The following VWA3B variants were observed in gnomAD, a reference collection of about 807,000 sequenced individuals.
VWA3B encodes von Willebrand factor A domain-containing protein 3B.
Under a neutral mutation model 158.3 loss-of-function variants are expected in VWA3B, and 138 were observed. The ratio of observed to expected loss-of-function variants is 0.87; its 90% CI spans 0.76 to 1.00. The LOEUF (loss-of-function observed/expected upper bound fraction) is 1.00, where lower values mean the gene tolerates loss of function less well. VWA3B is among the 50% of genes least tolerant of loss of function. The pLI is 0.00. For missense variants in VWA3B, 1,555 were observed against 1,565.1 expected (o/e 0.99, Z 0.11); for synonymous variants, 596 against 587.3 (o/e 1.01, Z -0.21).
chr2:98,094,312 T>C (rs1271887470), intron 2 of VWA3B, among the ~76,000 whole-genome samples: 1 of 152,188 alleles, frequency 6.6e-6, no homozygotes, highest in Non-Finnish European at 1.5e-5. Context: ...CTTATCTTTT[T>C]GATATTAGCC....
intron 10 of VWA3B, among the ~76,000 whole-genome samples, chr2:98,190,916 A>C (rs927035600): frequency 2.6e-5 from 4 of 151,934 alleles, no homozygotes; most frequent in Non-Finnish European, 5.9e-5. Context: ...TTGTGGTCAT[A>C]TTTTCTCAAA....
chr2:98,192,844 G>T lies in VWA3B; in HGVS notation c.1467-54G>T, dbSNP rs1681706594. 2.5e-6 allele frequency: 4 copies of T among 1,612,844 alleles called. No individual in the cohort carries two copies. The Admixed American group carries it at 5.0e-5, about 20-fold the overall frequency. On this transcript the variant is annotated intron_variant, in intron 10 of 27. Transcript: ENST00000477737. ...TGCATCGTTAAGTTCTTGGGAAGATGCTCTTGTTGCCTGCAGGCTCTCACC... is the reference window on the plus strand; with the variant it reads ...TGCATCGTTAAGTTCTTGGGAAGATTCTCTTGTTGCCTGCAGGCTCTCACC...
At chr2:98,211,453 G>T (rs888960872) in intron 12 of VWA3B, among the ~76,000 whole-genome samples, 1 of 152,208 alleles carries the variant, frequency 6.6e-6, no homozygotes, top group Non-Finnish European at 1.5e-5. Context: ...GCTAAAAACA[G>T]AACTTGTCAG....
chr2:98,234,712 A>G lies in VWA3B; in HGVS notation c.2373A>G (p.Glu791=), dbSNP rs775178173. 1 of 1,614,178 alleles carries G rather than the reference A, an allele frequency of 6.2e-7. No individual in the cohort carries two copies. The highest frequency in any genetic ancestry group is 8.5e-7 in the Non-Finnish European group (1 of 1,180,012). ...MSSLRSSACS[E]RKDGLSNASS... ...CCCTCAGGAGCTCAGCTTGCAGTGAAAGGAAGGATGGCCTCTCCAATGCCA... is the reference window on the plus strand; with the variant it reads ...CCCTCAGGAGCTCAGCTTGCAGTGAGAGGAAGGATGGCCTCTCCAATGCCA... Residue 791 remains glutamate (E), a synonymous_variant, in exon 17 of 28, where the codon GAA becomes GAG. Transcript: ENST00000477737.
intron 21 of VWA3B, among the ~76,000 whole-genome samples, chr2:98,257,611 A>AC (rs1181321731): frequency 6.6e-6 from 1 of 151,572 alleles, no homozygotes; most frequent in Non-Finnish European, 1.5e-5. Flanking sequence ...TGGTTTTGAT[A>AC]CACATTTTCT....
At chr2:98,267,292 C>T (rs907148046) in intron 21 of VWA3B, among the ~76,000 whole-genome samples, 6 of 151,508 alleles carry the variant, frequency 4.0e-5, no homozygotes, top group Non-Finnish European at 8.9e-5. Flanking sequence ...TTTTCTGCAT[C>T]TATTGAGATA....
chr2:98,268,021 C>G (rs1687956630), intron 21 of VWA3B, among the ~76,000 whole-genome samples: 2 of 152,044 alleles, frequency 1.3e-5, no homozygotes, highest in Admixed American at 6.6e-5. Flanking sequence ...AGACCAATAA[C>G]AGGATCTGAA....
In VWA3B at chr2:98,162,761, C is replaced by T. The variant is rs938056248; in HGVS notation, c.989-90C>T. On this transcript the variant is annotated intron_variant, in intron 7 of 27. Transcript: ENST00000477737. ...TTGATGTTCAGAAATGTTCCAGAAA[C>T]TTGGCTGCAATGCGTCAGGCCTGCT... 14 of 1,513,496 alleles carry T rather than the reference C, an allele frequency of 9.3e-6. No individual in the cohort carries two copies. The African/African-American group carries it at 1.4e-4, about 15-fold the overall frequency. The allele number at this position is 1,513,496 out of a possible 1,614,324, so 93.8% of individuals were successfully genotyped here.
the VWA3B span, among the ~76,000 whole-genome samples, chr2:98,319,669 T>C: frequency 6.6e-6 from 1 of 152,148 alleles, no homozygotes; most frequent in African/African-American, 2.4e-5. Context: ...AAAATGAGGC[T>C]AGGAGTTCAA....
chr2:98,246,519 A>G (rs28412579), intron 19 of VWA3B, among the ~76,000 whole-genome samples: 3,308 of 152,136 alleles, frequency 0.022, 120 homozygotes, highest in African/African-American at 0.075. Flanking sequence ...CTGGGATTAC[A>G]GGCACATGCC....
chr2:98,236,524 G>T (rs757396099), intron 18 of VWA3B, 47 bp downstream of exon 18: 1 of 1,613,894 alleles, frequency 6.2e-7, no homozygotes, highest in South Asian at 1.1e-5. Flanking sequence ...GCTTCTGTTG[G>T]TTAACCATCA....
At chr2:98,109,792 C>CTT (rs35707535) in intron 2 of VWA3B, among the ~76,000 whole-genome samples, 2 of 130,516 alleles carry the variant, frequency 1.5e-5, no homozygotes, top group African/African-American at 2.8e-5. Flanking sequence ...GTTGATAGTT[C>CTT]TTTTTTTTTT....
chr2:98,161,999 G>C (rs1040150314), intron 7 of VWA3B, among the ~76,000 whole-genome samples: 6 of 152,132 alleles, frequency 3.9e-5, no homozygotes, highest in African/African-American at 1.4e-4. Flanking sequence ...GTATGCCACC[G>C]TGCCCAGCCT....
At chr2:98,282,192 T>C (rs943546415) in intron 22 of VWA3B, among the ~76,000 whole-genome samples, 1 of 152,160 alleles carries the variant, frequency 6.6e-6, no homozygotes, top group African/African-American at 2.4e-5. Context: ...CCTGGGGAGA[T>C]GTCTTTTCAT....
chr2:98,173,502 A>G (rs1003011234), intron 8 of VWA3B, among the ~76,000 whole-genome samples: 8 of 152,252 alleles, frequency 5.3e-5, no homozygotes, highest in Admixed American at 1.3e-4. Context: ...GCAGAAAAAT[A>G]CCATGTAATT....
intron 12 of VWA3B, among the ~76,000 whole-genome samples, chr2:98,210,710 C>G (rs1683439362): frequency 6.6e-6 from 1 of 152,102 alleles, no homozygotes; most frequent in Admixed American, 6.6e-5. Context: ...CTTTGTCATT[C>G]CTTAGGCTGT....
intron 22 of VWA3B, among the ~76,000 whole-genome samples, chr2:98,278,418 C>T (rs1409440580): frequency 6.6e-6 from 1 of 152,180 alleles, no homozygotes; most frequent in African/African-American, 2.4e-5. Context: ...TGTTTAACTC[C>T]TTGGTGTGAC....
intron 7 of VWA3B, among the ~76,000 whole-genome samples, chr2:98,160,436 G>A (rs1364065263): frequency 6.6e-6 from 1 of 152,074 alleles, no homozygotes; most frequent in Admixed American, 6.5e-5. Context: ...CACTAGACTG[G>A]GGTAGTGATA....
chr2:98,324,363 G>C, the VWA3B span, among the ~76,000 whole-genome samples: 15 of 152,158 alleles, frequency 9.9e-5, no homozygotes, highest in African/African-American at 3.6e-4. Flanking sequence ...AGGTTTCGCT[G>C]TGTTGGCCAG....
Sources: gnomAD v4.1 joint callset for allele counts (sites outside exome capture counted in the v4.1 genomes callset) on GRCh38, gnomAD v4.1.1 for gene constraint, MANE v1.5 for transcripts, NCBI Gene and HGNC (gene_info 2026-07-23, HGNC 2026-07-21) for gene names.